GARRE1: variants seen among roughly 807,000 people sequenced by gnomAD.
GARRE1 encodes granule associated Rac and RHOG effector protein 1.
In GARRE1, 49 loss-of-function variants were observed where a neutral mutation model predicts 103.2. The observed-to-expected ratio is 0.47, with a 90% CI of 0.38 to 0.60. GARRE1 has a LOEUF of 0.60. GARRE1 is among the 20% of genes least tolerant of loss of function. The pLI, the probability that GARRE1 is intolerant of heterozygous loss-of-function variation, is 0.00. For missense variants in GARRE1, 1,199 were observed against 1,370.5 expected (o/e 0.87, Z 1.98); for synonymous variants, 505 against 532.8 (o/e 0.95, Z 0.72).
intron 3 of GARRE1, among the ~76,000 whole-genome samples, chr19:34,320,799 A>G (rs1486101575): frequency 6.7e-6 from 1 of 149,800 alleles, no homozygotes; most frequent in Admixed American, 6.6e-5. Flanking sequence ...AAGTCTCACT[A>G]CAGCCTGTAC....
At chr19:34,331,579 C>T (rs745583536) in intron 7 of GARRE1, among the ~76,000 whole-genome samples, 1 of 152,150 alleles carries the variant, frequency 6.6e-6, no homozygotes, top group Non-Finnish European at 1.5e-5. Context: ...AAAAACTTTG[C>T]CCAGAGTTGG....
intron 1 of GARRE1, among the ~76,000 whole-genome samples, chr19:34,267,016 C>T (rs1260902205): frequency 6.6e-6 from 1 of 152,070 alleles, no homozygotes; most frequent in African/African-American, 2.4e-5. Context: ...GTAATCCCAG[C>T]ACTTTGAAGG....
At chr19:34,259,634 A>G (rs1047096045) in intron 1 of GARRE1, among the ~76,000 whole-genome samples, 1 of 151,954 alleles carries the variant, frequency 6.6e-6, no homozygotes, top group Admixed American at 6.5e-5. Context: ...CCTAGAACAC[A>G]GTGCGTGGAA....
chr19:34,310,060 T>A (rs1036451287), intron 2 of GARRE1, among the ~76,000 whole-genome samples: 2 of 152,218 alleles, frequency 1.3e-5, no homozygotes, highest in Non-Finnish European at 2.9e-5. Flanking sequence ...TGTTGCTGTC[T>A]TTTTAGAGAG....
intron 1 of GARRE1, among the ~76,000 whole-genome samples, chr19:34,294,588 T>C (rs1244646481): frequency 6.6e-6 from 1 of 151,806 alleles, no homozygotes; most frequent in Admixed American, 6.6e-5. Context: ...GTCTGTTAAG[T>C]CCAATATCTG....
At chr19:34,307,416 T>G (rs939361773) in intron 2 of GARRE1, among the ~76,000 whole-genome samples, 2 of 151,748 alleles carry the variant, frequency 1.3e-5, no homozygotes, top group Non-Finnish European at 2.9e-5. Context: ...CTCCCAGGAG[T>G]TGTATGTCTC....
chr19:34,347,748 TG>T, intron 10 of GARRE1, 128 bp from the exon 11 acceptor site: 1 of 890,772 alleles, frequency 1.1e-6, no homozygotes, highest in Non-Finnish European at 1.6e-6. Context: ...GCCCACGCTG[TG>T]GGGCACAAGC....
chr19:34,334,396 AATAG>A (rs1334122917), intron 8 of GARRE1, among the ~76,000 whole-genome samples: 3 of 152,260 alleles, frequency 2.0e-5, no homozygotes, highest in Non-Finnish European at 2.9e-5. Context: ...ATGATCAACA[AATAG>A]ATTAAGAAAA....
intron 10 of GARRE1, 45 bp downstream of exon 10, chr19:34,342,500 C>A (rs751712897): frequency 6.5e-7 from 1 of 1,538,624 alleles, no homozygotes. Flanking sequence ...ACAGCAAATG[C>A]AACTGCCGAG....
At chr19:34,313,958 G>A (rs1182655937) in intron 2 of GARRE1, among the ~76,000 whole-genome samples, 4 of 151,962 alleles carry the variant, frequency 2.6e-5, no homozygotes, top group Admixed American at 6.6e-5. Context: ...GCACCACCAC[G>A]CCCGGCTGAT....
intron 1 of GARRE1, among the ~76,000 whole-genome samples, chr19:34,297,108 G>A (rs973681166): frequency 6.6e-5 from 10 of 152,122 alleles, no homozygotes; most frequent in Admixed American, 2.0e-4. Context: ...CCAATATGGC[G>A]AAACCTCATC....
chr19:34,305,398 A>G (rs1371007419), intron 2 of GARRE1, among the ~76,000 whole-genome samples: 2 of 152,210 alleles, frequency 1.3e-5, no homozygotes, highest in African/African-American at 4.8e-5. Flanking sequence ...CCTCTCCTAG[A>G]AAGTGTTGAA....
chr19:34,313,861 TGTG>T (rs1325629082), intron 2 of GARRE1, among the ~76,000 whole-genome samples: 11 of 152,148 alleles, frequency 7.2e-5, no homozygotes, highest in Non-Finnish European at 1.5e-4. Context: ...AGTGCAGTGA[TGTG>T]ATCTTGGCTC....
Position 34,301,974 on chromosome 19 carries a change from C to T in GARRE1, c.495+1006C>T, listed in dbSNP as rs1226186550. On this transcript the variant is annotated intron_variant, in intron 2 of 13. Coordinates refer to ENST00000299505, the MANE Select transcript of GARRE1 (RefSeq NM_014686.5). ...TTGGGATTACAGGTGTGAGCCACTG[C>T]GCCCAGCCTTTTTTTTTTTTTTTTT... 2.2e-5 allele frequency among the ~76,000 whole-genome samples: 3 copies of T among 137,176 alleles called. No homozygotes were observed. In the Admixed American group the frequency reaches 2.3e-4, roughly 10 times the overall value. 90.0% of individuals were successfully genotyped at this position (137,176 alleles called of 152,430 possible).
chr19:34,349,058 T>C lies in GARRE1; in HGVS notation c.2730T>C (p.Ser910=), dbSNP rs547659963. Reference sequence around the variant, plus strand: ...GCTGGTCGGGTGCTCAGGGAGACTCTGCCAGCTCGAGTGATGAGACATCCT... The same window carrying C: ...GCTGGTCGGGTGCTCAGGGAGACTCCGCCAGCTCGAGTGATGAGACATCCT... ...HGGWSGAQGD[S]ASSSDETSSA... The change falls in exon 12 of 14, where the codon TCT becomes TCC. Residue 910 remains serine, a synonymous_variant. Transcript: ENST00000299505. The C allele has an allele frequency of 6.8e-6, 11 of 1,612,622 alleles. No homozygotes were observed. The South Asian group carries it at 1.2e-4, about 18-fold the overall frequency.
chr19:34,300,858 A>C lies in GARRE1; in HGVS notation c.385A>C (p.Ser129Arg). 1 of 1,613,880 alleles carries C rather than the reference A, an allele frequency of 6.2e-7. No individual in the cohort carries two copies. The highest frequency in any genetic ancestry group is 8.5e-7 in the Non-Finnish European group (1 of 1,180,052). Residue 129 changes from serine to arginine, a missense_variant, in exon 2 of 14, where the codon AGT becomes CGT. Physicochemically the swap from Ser to Arg is moderately radical, Grantham distance 110. Coordinates refer to ENST00000299505, the MANE Select transcript of GARRE1 (RefSeq NM_014686.5). Reference protein sequence around the residue: ...DVQEHVMEAASRLTSAIKPEI... With the variant: ...DVQEHVMEAARRLTSAIKPEI... ...GCAGGAGCATGTCATGGAAGCAGCC[A>C]GTCGGCTGACCTCGGCCATAAAGCC... is the stretch of plus-strand genomic sequence containing the variant.
At chr19:34,314,257 T>C (rs1004255880) in intron 2 of GARRE1, among the ~76,000 whole-genome samples, 3 of 152,110 alleles carry the variant, frequency 2.0e-5, no homozygotes, top group Admixed American at 1.3e-4. Context: ...TAAATATAAA[T>C]ATAGAAATGT....
chr19:34,303,017 T>C (rs905825219), intron 2 of GARRE1, among the ~76,000 whole-genome samples: 4 of 152,158 alleles, frequency 2.6e-5, no homozygotes, highest in African/African-American at 9.7e-5. Flanking sequence ...AGTGCTAGGA[T>C]TACAGGTGTG....
chr19:34,285,058 A>G (rs2073878128), intron 1 of GARRE1: 1 of 152,118 alleles, frequency 6.6e-6, no homozygotes, highest in South Asian at 2.1e-4. Context: ...CCCAGTCTCA[A>G]TAAATAAATA....
Sources: gnomAD v4.1 joint callset for allele counts (sites outside exome capture counted in the v4.1 genomes callset) on GRCh38, gnomAD v4.1.1 for gene constraint, MANE v1.5 for transcripts, NCBI Gene and HGNC (gene_info 2026-07-23, HGNC 2026-07-21) for gene names.